DYNC1I2: variants seen among roughly 807,000 people sequenced by gnomAD.
DYNC1I2 encodes the protein dynein cytoplasmic 1 intermediate chain 2.
Under a neutral mutation model 88.6 loss-of-function variants are expected in DYNC1I2, and 53 were observed. The observed-to-expected ratio is 0.60, with a 90% CI of 0.48 to 0.75. The LOEUF (loss-of-function observed/expected upper bound fraction) is 0.75, where lower values mean the gene tolerates loss of function less well. Among genes scored for constraint, DYNC1I2 ranks in the 30% least tolerant of loss-of-function variants. DYNC1I2 has a pLI of 0.00. For missense variants in DYNC1I2, 458 were observed against 766.6 expected (o/e 0.60, Z 4.75); for synonymous variants, 198 against 254.6 (o/e 0.78, Z 2.12).
chr2:171,707,611 G>A (rs938163405), intron 5 of DYNC1I2, among the ~76,000 whole-genome samples: 14 of 151,650 alleles, frequency 9.2e-5, no homozygotes, highest in Admixed American at 2.6e-4. Context: ...ATAGTCAACC[G>A]GTTTTATGCT....
chr2:171,694,080 C>G (rs1268829403), intron 3 of DYNC1I2, among the ~76,000 whole-genome samples: 1 of 151,528 alleles, frequency 6.6e-6, no homozygotes, highest in East Asian at 1.9e-4. Flanking sequence ...CTCACTCTCC[C>G]AGGCTGGAGT....
At position 171,727,606 on chromosome 2, in the gene DYNC1I2, G is replaced by A. The variant is rs574965385; in HGVS notation, c.997-215G>A. Among the ~76,000 whole-genome samples the A allele has an allele frequency of 3.0e-4, 46 of 152,128 alleles. No homozygotes were observed. The South Asian group carries it at 8.9e-3, about 30-fold the overall frequency. ...AGTTAAACCTACTTAATAGTAAACAGCCATTGCATTGGACTTTTAAGCAAA... is the reference window on the plus strand; with the variant it reads ...AGTTAAACCTACTTAATAGTAAACAACCATTGCATTGGACTTTTAAGCAAA... On this transcript the variant is annotated intron_variant, in intron 11 of 17. Transcript: ENST00000397119.
chr2:171,696,864 C>A (rs1685806366), intron 3 of DYNC1I2, among the ~76,000 whole-genome samples: 1 of 152,122 alleles, frequency 6.6e-6, no homozygotes, highest in Non-Finnish European at 1.5e-5. Context: ...AAATCACCCC[C>A]TTTGTTCCTT....
At chr2:171,733,459 C>CTTTTTTTTTTGT (rs1688766007) in intron 15 of DYNC1I2, among the ~76,000 whole-genome samples, 1 of 55,772 alleles carries the variant, frequency 1.8e-5, no homozygotes, top group Non-Finnish European at 3.2e-5. Context: ...TTGCCAGCAT[C>CTTTTTTTTTTGT]TTTTTTTTTT....
rs749468790 is a variant in DYNC1I2, at chr2:171,727,849, A to G, written c.1025A>G (p.Lys342Arg). ...QSAVMSATFA[K>R]FHPNLVVGGT... ...GCTGTGATGTCTGCCACATTTGCAA[A>G]ATTTCATCCAAATCTTGTTGTTGGT... Residue 342 changes from lysine to arginine, a missense_variant, in exon 12 of 18, where the codon AAA (lysine) becomes AGA (arginine). This residue lies in a region of DYNC1I2 where 203 missense variants were observed against 354.2 expected (regional missense o/e 0.57). Transcript: ENST00000397119. The G allele has an allele frequency of 3.1e-6, 5 of 1,612,794 alleles. No homozygotes were observed. The highest frequency in any genetic ancestry group is 3.3e-5 in the Admixed American group (2 of 59,896).
chr2:171,706,872 A>G (rs746637317), intron 4 of DYNC1I2: 90 of 403,570 alleles, frequency 2.2e-4, no homozygotes, highest in Non-Finnish European at 3.6e-4. Context: ...TTAATGAAAC[A>G]TATTTCAGAG....
intron 7 of DYNC1I2, among the ~76,000 whole-genome samples, chr2:171,720,028 T>C (rs1024834610): frequency 5.0e-5 from 6 of 121,162 alleles, no homozygotes; most frequent in Admixed American, 2.6e-4. Flanking sequence ...TTCTTCTGTA[T>C]GGATTTTTTT....
intron 13 of DYNC1I2, 39 bp from the exon 14 acceptor site, chr2:171,728,678 C>A: frequency 6.8e-7 from 1 of 1,477,106 alleles, no homozygotes; most frequent in East Asian, 2.5e-5. Flanking sequence ...TTTAAAATTG[C>A]AAGTTTACAA....
intron 6 of DYNC1I2, among the ~76,000 whole-genome samples, chr2:171,715,114 T>C (rs546830051): frequency 7.2e-5 from 11 of 152,272 alleles, no homozygotes; most frequent in Admixed American, 3.3e-4. Flanking sequence ...AAAATGAAAA[T>C]AAAAACACTG....
At position 171,728,415 on chromosome 2, in the gene DYNC1I2, A is replaced by G. The variant is rs762267915; in HGVS notation, c.1254A>G (p.Pro418=). ...GGAGTCTGGACATGCTTTCCCATCC[A>G]CAGGTGGGTTAAACTTGGGAAACTG... ...CSWSLDMLSH[P]QDSMELVHKQ... Residue 418 remains proline, a synonymous_variant, in exon 13 of 18, where the codon CCA becomes CCG. Transcript: ENST00000397119. 96 of 1,576,174 alleles carry G rather than the reference A, an allele frequency of 6.1e-5. 1 individual carries two copies. Among genetic ancestry groups the G allele is most frequent in the Non-Finnish European group, 7.5e-5 (87 of 1,156,948 alleles).
intron 2 of DYNC1I2, 47 bp downstream of exon 2, chr2:171,690,310 T>C (rs1442139341): frequency 7.5e-7 from 1 of 1,337,894 alleles, no homozygotes; most frequent in African/African-American, 1.5e-5. Context: ...AGTAATTGGG[T>C]TTTATTTCAC....
At chr2:171,705,149 T>A (rs1404927069) in intron 3 of DYNC1I2, among the ~76,000 whole-genome samples, 1 of 152,170 alleles carries the variant, frequency 6.6e-6, no homozygotes, top group Non-Finnish European at 1.5e-5. Flanking sequence ...ATCACCCTTT[T>A]ATTTTTTATT....
intron 5 of DYNC1I2, among the ~76,000 whole-genome samples, chr2:171,710,665 A>T (rs572676257): frequency 6.6e-6 from 1 of 151,454 alleles, no homozygotes; most frequent in Non-Finnish European, 1.5e-5. Flanking sequence ...ACAATTATTC[A>T]GTGGGGTAAT....
rs937943253 is a variant in DYNC1I2, at chr2:171,728,579, T to C, written c.1258-138T>C. 5.5e-6 allele frequency: 5 copies of C among 907,356 alleles called. No individual in the cohort carries two copies. In the African/African-American group the frequency reaches 6.8e-5, roughly 12 times the overall value. 56.2% of individuals were successfully genotyped at this position (907,356 alleles called of 1,614,324 possible). Reference sequence around the variant, plus strand: ...AAGTTTGTTTCATATATATATATTTTACTTTGAAACCTGCTTCATTTAATT... The same window carrying C: ...AAGTTTGTTTCATATATATATATTTCACTTTGAAACCTGCTTCATTTAATT... On this transcript the variant is annotated intron_variant, in intron 13 of 17. Coordinates refer to ENST00000397119, the MANE Select transcript of DYNC1I2 (RefSeq NM_001378.3).
Position 171,707,361 on chromosome 2 carries a change from G to C in DYNC1I2, c.319G>C (p.Gly107Arg). The C allele has an allele frequency of 6.2e-7, 1 of 1,613,104 alleles. No homozygotes were observed. The highest frequency in any genetic ancestry group is 8.5e-7 in the Non-Finnish European group (1 of 1,179,606). Residue 107 changes from glycine to arginine, a missense_variant, in exon 5 of 18, where the codon GGC (glycine) becomes CGC (arginine). Around this residue, in one of 5 missense-constraint regions of DYNC1I2, gnomAD observed 203 missense variants for 354.2 expected, o/e 0.57. Coordinates refer to ENST00000397119, the MANE Select transcript of DYNC1I2 (RefSeq NM_001378.3). Reference sequence around the variant, plus strand: ...AGCTGGAAGCCAAGACTCTGGAGATGGCGCCGTGGGATCTAGGTACAGTAA... The same window carrying C: ...AGCTGGAAGCCAAGACTCTGGAGATCGCGCCGTGGGATCTAGGTACAGTAA... ...SEAGSQDSGD[G>R]AVGSRTLHWD...
At chr2:171,744,909 A>G (rs1049875143) in intron 16 of DYNC1I2, among the ~76,000 whole-genome samples, 6 of 152,210 alleles carry the variant, frequency 3.9e-5, no homozygotes, top group African/African-American at 9.6e-5. Context: ...GAGTCAACTC[A>G]GATCTCCCAC....
intron 12 of DYNC1I2, 34 bp from the exon 13 acceptor site, chr2:171,728,271 A>G: frequency 7.4e-7 from 1 of 1,342,386 alleles, no homozygotes; most frequent in Non-Finnish European, 1.0e-6. Flanking sequence ...TTTTTGGTAC[A>G]ATAATCCCTG....
At chr2:171,690,907 A>G (rs1272063572) in intron 2 of DYNC1I2, among the ~76,000 whole-genome samples, 1 of 151,982 alleles carries the variant, frequency 6.6e-6, no homozygotes, top group Admixed American at 6.6e-5. Context: ...CCTCCTGCCT[A>G]GGCTTCCCGA....
chr2:171,694,265 G>A (rs1156657579), intron 3 of DYNC1I2, among the ~76,000 whole-genome samples: 4 of 151,916 alleles, frequency 2.6e-5, no homozygotes, highest in African/African-American at 9.7e-5. Flanking sequence ...TCGAACTCCT[G>A]ACCTCATGAT....
Sources: allele counts gnomAD v4.1 joint callset (sites outside exome capture counted in the v4.1 genomes callset), GRCh38; gene constraint gnomAD v4.1.1; regional missense constraint gnomAD v4.1.1; transcripts MANE v1.5; gene names NCBI Gene and HGNC (gene_info 2026-07-23, HGNC 2026-07-21).